ZFPM2: variants seen among roughly 807,000 people sequenced by gnomAD.
ZFPM2 encodes the protein zinc finger protein ZFPM2.
A neutral mutation model predicts 98.6 loss-of-function variants in ZFPM2; 20 were observed. The observed-to-expected ratio is 0.20, with a 90% CI of 0.14 to 0.29. The LOEUF is 0.29. ZFPM2 is among the 10% of genes least tolerant of loss of function. The pLI is 1.00. For missense variants in ZFPM2, 1,310 were observed against 1,388.6 expected (o/e 0.94, Z 0.90); for synonymous variants, 518 against 502.7 (o/e 1.03, Z -0.41).
intron 5 of ZFPM2, among the ~76,000 whole-genome samples, chr8:105,654,766 A>G (rs897007968): frequency 1.5e-4 from 23 of 152,170 alleles, no homozygotes; most frequent in African/African-American, 4.3e-4. Context: ...GAACTTATCT[A>G]TAACCTATTT....
chr8:105,358,346 G>A (rs76904453), intron 1 of ZFPM2: 1 of 151,864 alleles, frequency 6.6e-6, no homozygotes, highest in Non-Finnish European at 1.5e-5. Flanking sequence ...TGGCCCCAAG[G>A]TTTATTTTTA....
intron 6 of ZFPM2, among the ~76,000 whole-genome samples, chr8:105,789,449 G>A (rs1235374471): frequency 6.6e-6 from 1 of 152,168 alleles, no homozygotes; most frequent in Non-Finnish European, 1.5e-5. Flanking sequence ...ATTCCATGGT[G>A]TATATGTGCC....
At chr8:105,681,570 T>C (rs887174755) in intron 5 of ZFPM2, among the ~76,000 whole-genome samples, 4 of 152,162 alleles carry the variant, frequency 2.6e-5, no homozygotes, top group African/African-American at 9.7e-5. Context: ...GGAATAATAA[T>C]GTTCATCTGA....
chr8:105,600,226 C>T (rs1816063336), intron 4 of ZFPM2, among the ~76,000 whole-genome samples: 1 of 152,030 alleles, frequency 6.6e-6, no homozygotes, highest in Admixed American at 6.6e-5. Flanking sequence ...GGAAAAAATA[C>T]ACCCGAAAGC....
intron 7 of ZFPM2, among the ~76,000 whole-genome samples, chr8:105,800,431 T>A (rs148659668): frequency 6.6e-6 from 1 of 152,230 alleles, no homozygotes; most frequent in African/African-American, 2.4e-5. Flanking sequence ...TAGACTATAT[T>A]AGTCTACCAG....
At chr8:105,583,502 G>T (rs1269931064) in intron 4 of ZFPM2, among the ~76,000 whole-genome samples, 1 of 152,048 alleles carries the variant, frequency 6.6e-6, no homozygotes, top group Non-Finnish European at 1.5e-5. Flanking sequence ...TTTTCGGTTT[G>T]TGCATTTTAT....
At chr8:105,498,019 G>A (rs1157506888) in intron 3 of ZFPM2, among the ~76,000 whole-genome samples, 9 of 137,546 alleles carry the variant, frequency 6.5e-5, no homozygotes, top group African/African-American at 1.7e-4. Context: ...GGCCCTCCCC[G>A]TCTCTACCAA....
chr8:105,413,218 G>A (rs1426930020), intron 1 of ZFPM2, among the ~76,000 whole-genome samples: 1 of 151,646 alleles, frequency 6.6e-6, no homozygotes, highest in Non-Finnish European at 1.5e-5. Flanking sequence ...AGATTGTTAG[G>A]CAAGGAGTCA....
At chr8:105,639,892 T>C (rs2130849153) in intron 5 of ZFPM2, among the ~76,000 whole-genome samples, 1 of 152,170 alleles carries the variant, frequency 6.6e-6, no homozygotes, top group African/African-American at 2.4e-5. Context: ...TCTGGGAGCA[T>C]ATCATTGGAT....
At chr8:105,710,712 TG>T (rs533596551) in intron 5 of ZFPM2, among the ~76,000 whole-genome samples, 7 of 147,492 alleles carry the variant, frequency 4.7e-5, no homozygotes, top group African/African-American at 1.0e-4. Flanking sequence ...TATGTGTGTG[TG>T]GGGGGGTGTA....
intron 1 of ZFPM2, among the ~76,000 whole-genome samples, chr8:105,398,568 T>C (rs1811270235): frequency 6.6e-6 from 1 of 151,992 alleles, no homozygotes; most frequent in Admixed American, 6.6e-5. Context: ...ATAAAACGGG[T>C]CTGCCTCACA....
intron 1 of ZFPM2, among the ~76,000 whole-genome samples, chr8:105,325,034 C>T (rs1000593600): frequency 2.0e-5 from 3 of 151,766 alleles, no homozygotes; most frequent in Non-Finnish European, 4.4e-5. Context: ...CCCTTGGATT[C>T]TTTGTTACCT....
At chr8:105,639,848 G>C (rs1816918226) in intron 5 of ZFPM2, among the ~76,000 whole-genome samples, 1 of 151,996 alleles carries the variant, frequency 6.6e-6, no homozygotes, top group Non-Finnish European at 1.5e-5. Flanking sequence ...TATTTGCAGA[G>C]ATCTGTGTCA....
intron 1 of ZFPM2, among the ~76,000 whole-genome samples, chr8:105,409,829 C>A (rs1176716001): frequency 6.6e-6 from 1 of 151,762 alleles, no homozygotes; most frequent in African/African-American, 2.4e-5. Context: ...GGGTCCATTT[C>A]TAATTTGCCT....
chr8:105,596,250 G>A (rs1333413546), intron 4 of ZFPM2, among the ~76,000 whole-genome samples: 4 of 151,924 alleles, frequency 2.6e-5, no homozygotes, highest in Admixed American at 2.6e-4. Flanking sequence ...TCAATGAAGA[G>A]GAAGTCAGCA....
At chr8:105,481,996 G>A (rs996350707) in intron 3 of ZFPM2, among the ~76,000 whole-genome samples, 7 of 152,166 alleles carry the variant, frequency 4.6e-5, no homozygotes, top group Non-Finnish European at 1.0e-4. Flanking sequence ...TTACATATAT[G>A]CACTAAAGTA....
intron 5 of ZFPM2, among the ~76,000 whole-genome samples, chr8:105,658,384 C>T (rs1817325337): frequency 4.6e-5 from 2 of 43,852 alleles, no homozygotes; most frequent in South Asian, 4.5e-4. Flanking sequence ...GTCAGGAGAT[C>T]GAGACCATCC....
chr8:105,354,245 AACAGCTGTGTTTTAAAGGAC>A (rs1479112187), intron 1 of ZFPM2, among the ~76,000 whole-genome samples: 1 of 152,238 alleles, frequency 6.6e-6, no homozygotes, highest in Non-Finnish European at 1.5e-5. Flanking sequence ...TCAGCAGTAG[AACAGCTGTGTTTTAAAGGAC>A]AGTACTTTGA....
At chr8:105,446,861 A>G (rs1812381605) in intron 3 of ZFPM2, among the ~76,000 whole-genome samples, 1 of 152,182 alleles carries the variant, frequency 6.6e-6, no homozygotes. Context: ...TCATAACAAT[A>G]TCTATTTATT....
Sources: allele counts gnomAD v4.1 joint callset (sites outside exome capture counted in the v4.1 genomes callset), GRCh38; gene constraint gnomAD v4.1.1; transcripts MANE v1.5; gene names NCBI Gene and HGNC (gene_info 2026-07-23, HGNC 2026-07-21).